Variants in DOCK9 observed in about 807,000 individuals in gnomAD.
DOCK9 encodes dedicator of cytokinesis protein 9.
A neutral mutation model predicts 263.3 loss-of-function variants in DOCK9; 89 were observed. That is an observed-to-expected ratio of 0.34 (90% CI 0.28 to 0.40). The LOEUF (loss-of-function observed/expected upper bound fraction) is 0.40, where lower values mean the gene tolerates loss of function less well. Ranked by LOEUF, DOCK9 falls within the 10% of genes least tolerant of loss-of-function variation. The pLI, the probability that DOCK9 is intolerant of heterozygous loss-of-function variation, is 1.00. For synonymous variants in DOCK9, 976 were observed against 973.1 expected (o/e 1.00, Z -0.06); for missense variants, 2,140 against 2,603.4 (o/e 0.82, Z 3.87).
At chr13:98,943,189 G>A (rs986592585) in intron 2 of DOCK9, among the ~76,000 whole-genome samples, 51 of 152,196 alleles carry the variant, frequency 3.4e-4, no homozygotes, top group South Asian at 2.1e-4. Flanking sequence ...CAAACACAGC[G>A]GAGAGTCAGC....
intron 37 of DOCK9, chr13:98,846,393 T>C: frequency 1.4e-6 from 1 of 740,196 alleles, no homozygotes; most frequent in Non-Finnish European, 2.1e-6. Flanking sequence ...ACTAATCTTT[T>C]TGGATTATAT....
At chr13:98,894,207 C>T (rs752814988) in intron 15 of DOCK9, among the ~76,000 whole-genome samples, 2 of 152,208 alleles carry the variant, frequency 1.3e-5, no homozygotes, top group African/African-American at 4.8e-5. Context: ...TAGGAAGTAA[C>T]TTCTGAGACA....
At chr13:98,796,245 C>T in intron 52 of DOCK9, 1 of 1,574,136 alleles carries the variant, frequency 6.4e-7, no homozygotes, top group Non-Finnish European at 8.7e-7. Flanking sequence ...AGAAAAAAAG[C>T]AAGTGAGTTA....
At chr13:98,817,451 C>CTTGTT (rs2091947722) in intron 45 of DOCK9, among the ~76,000 whole-genome samples, 1 of 97,632 alleles carries the variant, frequency 1.0e-5, no homozygotes. Context: ...ATACACCCAG[C>CTTGTT]TTTTTTTTTT....
chr13:98,796,204 AC>A, intron 52 of DOCK9: 1 of 1,584,782 alleles, frequency 6.3e-7, no homozygotes, highest in Non-Finnish European at 8.6e-7. Flanking sequence ...AAATGACATT[AC>A]CATCCCAGCT....
intron 27 of DOCK9, among the ~76,000 whole-genome samples, chr13:98,870,601 A>G (rs2094159672): frequency 6.6e-6 from 1 of 152,236 alleles, no homozygotes; most frequent in Non-Finnish European, 1.5e-5. Flanking sequence ...GAACTCTATC[A>G]TGGACAGGTT....
chr13:98,816,386 G>T (rs2091853199), intron 45 of DOCK9, among the ~76,000 whole-genome samples: 1 of 152,118 alleles, frequency 6.6e-6, no homozygotes, highest in Non-Finnish European at 1.5e-5. Flanking sequence ...TCAAATACAT[G>T]CCCAAGATGC....
At chr13:99,060,488 C>T (rs1030454865) in intron 1 of DOCK9, among the ~76,000 whole-genome samples, 5 of 152,170 alleles carry the variant, frequency 3.3e-5, no homozygotes, top group African/African-American at 9.7e-5. Flanking sequence ...AGGAGTGGAA[C>T]TGCTGGGTCA....
chr13:98,846,417 G>T, intron 37 of DOCK9: 1 of 987,996 alleles, frequency 1.0e-6, no homozygotes, highest in Non-Finnish European at 1.4e-6. Context: ...TTCTGAAAAA[G>T]CAAAAGACAT....
intron 1 of DOCK9, among the ~76,000 whole-genome samples, chr13:99,047,335 C>T (rs536201675): frequency 2.6e-5 from 4 of 152,306 alleles, no homozygotes; most frequent in Admixed American, 6.5e-5. Context: ...CAGCTGCCAT[C>T]GCAGCACATA....
At chr13:98,882,940 G>GT in intron 23 of DOCK9, 102 bp downstream of exon 23, 1 of 923,726 alleles carries the variant, frequency 1.1e-6, no homozygotes, top group Non-Finnish European at 1.6e-6. Flanking sequence ...AGACATCCAG[G>GT]TAAGAGCTTC....
chr13:98,924,971 C>A (rs1307438374), intron 4 of DOCK9, among the ~76,000 whole-genome samples: 1 of 151,912 alleles, frequency 6.6e-6, no homozygotes, highest in South Asian at 2.1e-4. Context: ...TCGAGACCAG[C>A]CTGGCCAACA....
At chr13:98,997,012 C>A (rs1179744701) in intron 1 of DOCK9, among the ~76,000 whole-genome samples, 2 of 152,174 alleles carry the variant, frequency 1.3e-5, no homozygotes, top group African/African-American at 4.8e-5. Context: ...CATGTGCTCC[C>A]CTCTCACAAC....
At chr13:98,974,443 T>C (rs2060019258) in intron 1 of DOCK9, among the ~76,000 whole-genome samples, 1 of 152,054 alleles carries the variant, frequency 6.6e-6, no homozygotes, top group Non-Finnish European at 1.5e-5. Flanking sequence ...TCCAAACACA[T>C]ATTCTCTTGG....
chr13:98,976,391 CT>C (rs917861611), intron 1 of DOCK9, among the ~76,000 whole-genome samples: 3 of 111,266 alleles, frequency 2.7e-5, no homozygotes, highest in African/African-American at 9.7e-5. Flanking sequence ...CACTTGTGTG[CT>C]TAAAAAAAAA....
At chr13:99,066,148 C>T (rs528017757) in intron 1 of DOCK9, among the ~76,000 whole-genome samples, 176 of 152,254 alleles carry the variant, frequency 1.2e-3, no homozygotes, top group Middle Eastern at 6.8e-3. Flanking sequence ...TATCTAAGAA[C>T]CAACTTTAGT....
At chr13:99,086,400 C>A (rs1412777324) in exon 1 of DOCK9, 3 of 1,017,220 alleles carry the variant, frequency 2.9e-6, no homozygotes, top group Middle Eastern at 9.3e-4. Flanking sequence ...CGGCCCGGCC[C>A]GGCCGCGCGG....
intron 1 of DOCK9, among the ~76,000 whole-genome samples, chr13:98,969,013 C>G (rs960536392): frequency 6.6e-6 from 1 of 152,166 alleles, no homozygotes; most frequent in Non-Finnish European, 1.5e-5. Flanking sequence ...TCCAAGTGTA[C>G]TATGACCATC....
chr13:98,920,499 G>A (rs2051765335), intron 7 of DOCK9, among the ~76,000 whole-genome samples: 1 of 152,216 alleles, frequency 6.6e-6, no homozygotes, highest in Admixed American at 6.5e-5. Context: ...CAGTTGGTAA[G>A]TGGAGGAGCA....
Sources: gnomAD v4.1 joint callset for allele counts (sites outside exome capture counted in the v4.1 genomes callset) on GRCh38, gnomAD v4.1.1 for gene constraint, MANE v1.5 for transcripts, NCBI Gene and HGNC (gene_info 2026-07-23, HGNC 2026-07-21) for gene names.